ZBED4: variants seen among roughly 807,000 people sequenced by gnomAD.
ZBED4 encodes the protein zinc finger BED domain-containing protein 4.
ZBED4 carries 4 observed loss-of-function variants against 15.5 expected under a neutral mutation model. The ratio of observed to expected loss-of-function variants is 0.26; its 90% confidence interval spans 0.13 to 0.59. The LOEUF is 0.59. ZBED4 is among the 20% of genes least tolerant of loss of function. The pLI is 0.90. For missense variants in ZBED4, 1,323 were observed against 1,461.8 expected (o/e 0.91, Z 1.55); for synonymous variants, 692 against 608.5 (o/e 1.14, Z -2.02).
At chr22:49,875,609 C>T (rs1440024465) in intron 1 of ZBED4, among the ~76,000 whole-genome samples, 2 of 151,828 alleles carry the variant, frequency 1.3e-5, no homozygotes, top group African/African-American at 4.8e-5. Context: ...TTAGTAGATA[C>T]AGGGTTTCAC....
At chr22:49,870,194 G>T (rs970488642) in intron 1 of ZBED4, among the ~76,000 whole-genome samples, 1 of 152,162 alleles carries the variant, frequency 6.6e-6, no homozygotes, top group Admixed American at 6.5e-5. Flanking sequence ...CCATGGTGTG[G>T]ATATACCACA....
Position 49,889,635 on chromosome 22 carries a change from C to G in ZBED4, c.*2457C>G, listed in dbSNP as rs1023277537. ...TGACACTAGGAGAGTCATTTTATCT[C>G]ATACATTCCCTTCATTTCGTTGGTG... On this transcript the variant is annotated 3_prime_UTR_variant, in exon 2 of 2. Transcript: ENST00000216268. 1 of 167,180 alleles carries G rather than the reference C, an allele frequency of 6.0e-6. No individual in the cohort carries two copies. Among genetic ancestry groups the G allele is most frequent in the Non-Finnish European group, 1.5e-5 (1 of 68,116 alleles). 10.4% of individuals were successfully genotyped at this position (167,180 alleles called of 1,614,324 possible).
At chr22:49,860,330 T>C (rs1011774186) in intron 1 of ZBED4, among the ~76,000 whole-genome samples, 7 of 152,094 alleles carry the variant, frequency 4.6e-5, no homozygotes, top group Admixed American at 3.9e-4. Flanking sequence ...AAAAAATACA[T>C]ATATATAGTT....
chr22:49,872,082 C>G (rs143950142), intron 1 of ZBED4, among the ~76,000 whole-genome samples: 8 of 152,282 alleles, frequency 5.3e-5, no homozygotes, highest in African/African-American at 1.4e-4. Flanking sequence ...TTTGCTACAT[C>G]GATTAACTCT....
At chr22:49,879,526 A>G (rs8184990) in intron 1 of ZBED4, among the ~76,000 whole-genome samples, 87,231 of 149,404 alleles carry the variant, frequency 0.58, 28,919 homozygotes, top group East Asian at 0.85. Flanking sequence ...GTCCTTGTCC[A>G]CTAATTTTAT....
chr22:49,866,340 C>G (rs1346723031), intron 1 of ZBED4, among the ~76,000 whole-genome samples: 4 of 151,972 alleles, frequency 2.6e-5, no homozygotes, highest in African/African-American at 9.7e-5. Flanking sequence ...CTTTACGTGT[C>G]TTTTAAATTG....
At position 49,886,415 on chromosome 22, in the gene ZBED4, T is replaced by C. The variant is rs1201192805; in HGVS notation, c.2753T>C (p.Phe918Ser). ...AINEMSVECN[F>S]RELISCDQWE... ...AACGAGATGTCCGTCGAGTGTAACTTCCGAGAGCTGATCAGCTGCGACCAG... is the reference window on the plus strand; with the variant it reads ...AACGAGATGTCCGTCGAGTGTAACTCCCGAGAGCTGATCAGCTGCGACCAG... Residue 918 changes from phenylalanine to serine, a missense_variant, in exon 2 of 2, where the codon TTC becomes TCC. By Grantham distance (155) the Phe-to-Ser change is radical. This residue lies in a region of ZBED4 where 312 missense variants were observed against 410.7 expected (regional missense o/e 0.76). Transcript: ENST00000216268. This position sits in a 1 kb window ranked among gnomAD's most constrained non-coding sequence, Gnocchi z 7.7. 1 of 1,600,140 alleles carries C rather than the reference T, an allele frequency of 6.2e-7. No homozygotes were observed. The highest frequency in any genetic ancestry group is 1.7e-5 in the Admixed American group (1 of 58,992).
Position 49,886,048 on chromosome 22 carries a change from G to A in ZBED4, c.2386G>A (p.Val796Met), listed in dbSNP as rs1266166794. 1.5e-6 allele frequency: 1 copy of A among 682,026 alleles called. No homozygotes were observed. Among genetic ancestry groups the A allele is most frequent in the Admixed American group, 2.3e-5 (1 of 43,042 alleles). The allele number at this position is 682,026 out of a possible 1,614,324, so 42.2% of individuals were successfully genotyped here. ...GCTGGAGTGCTGGTGGGAAGCGTGG[G>A]TGACCTCCACCGGCCTTCAGGTGGG... ...KQLECWWEAW[V>M]TSTGLQVGIT... Residue 796 changes from valine to methionine, a missense_variant, in exon 2 of 2, where the codon GTG becomes ATG. Around this residue, in one of 6 missense-constraint regions of ZBED4, gnomAD observed 100 missense variants for 79.3 expected, o/e 1.26. Coordinates refer to ENST00000216268, the MANE Select transcript of ZBED4 (RefSeq NM_014838.3). The surrounding 1 kb of genome is among the most constrained non-coding windows in gnomAD (Gnocchi z 7.7).
intron 1 of ZBED4, among the ~76,000 whole-genome samples, chr22:49,865,093 C>T (rs779859754): frequency 1.3e-5 from 2 of 151,978 alleles, no homozygotes; most frequent in Admixed American, 1.3e-4. Context: ...CGTTACTCAG[C>T]GATGTTGTCG....
chr22:49,885,787 TATG>T lies in ZBED4; in HGVS notation c.2128_2130del (p.Asp710del). On this transcript the variant is annotated inframe_deletion, in exon 2 of 2. Transcript: ENST00000216268. ...CTCCAGGACAGCTATCCCAGGTATG[TATG>T]ATAATGTGAAGCAGATAATTATGTC... 6.2e-7 allele frequency: 1 copy of T among 1,605,680 alleles called. No individual in the cohort carries two copies. The highest frequency in any genetic ancestry group is 8.5e-7 in the Non-Finnish European group (1 of 1,173,464).
intron 1 of ZBED4, among the ~76,000 whole-genome samples, chr22:49,871,876 G>C (rs1441646867): frequency 1.3e-5 from 2 of 151,684 alleles, no homozygotes; most frequent in African/African-American, 4.8e-5. Flanking sequence ...TGCCTCAGTA[G>C]CTGGGATTAC....
At chr22:49,883,213 T>C (rs1366459958) in intron 1 of ZBED4, 121 bp from the exon 2 acceptor site, 1 of 152,988 alleles carries the variant, frequency 6.5e-6, no homozygotes, top group Admixed American at 6.5e-5. Flanking sequence ...AACAAGTTTT[T>C]CGATTCCAGT....
chr22:49,879,396 C>T (rs189592019), intron 1 of ZBED4, among the ~76,000 whole-genome samples: 1 of 151,858 alleles, frequency 6.6e-6, no homozygotes, highest in Non-Finnish European at 1.5e-5. Context: ...CGAAGTGCTG[C>T]GATTACAGGT....
intron 1 of ZBED4, among the ~76,000 whole-genome samples, chr22:49,871,137 C>T (rs866819533): frequency 1.9e-3 from 20 of 10,522 alleles, no homozygotes; most frequent in Non-Finnish European, 2.3e-3. Flanking sequence ...GATGGGGTTT[C>T]ACCCTGTTGG....
In ZBED4 at chr22:49,884,100, C is replaced by T; in HGVS notation, c.438C>T (p.Gly146=). 6.2e-7 allele frequency: 1 copy of T among 1,612,926 alleles called. No homozygotes were observed. Residue 146 remains glycine (G), a synonymous_variant, in exon 2 of 2, where the codon GGC becomes GGT. Coordinates refer to ENST00000216268, the MANE Select transcript of ZBED4 (RefSeq NM_014838.3). ...CMYCVKEFSR[G]KNEKDLSTSC... is the part of the protein sequence containing the mutation. ...ACTGTGTGAAGGAGTTCAGCAGAGG[C>T]AAAAACGAGAAAGACTTGAGTACCA... is the stretch of plus-strand genomic sequence containing the variant.
At chr22:49,877,629 A>G (rs1264687890) in intron 1 of ZBED4, among the ~76,000 whole-genome samples, 2 of 152,200 alleles carry the variant, frequency 1.3e-5, no homozygotes, top group East Asian at 1.9e-4. Context: ...TTGATATACA[A>G]TAAACACATA....
In ZBED4 at chr22:49,887,170, C is replaced by G; in HGVS notation, c.3508C>G (p.Gln1170Glu). ...AGTGAATCTTCCCTTAATATACTTTCAGTATTGAAACTCACGACGGCACCA... is the reference window on the plus strand; with the variant it reads ...AGTGAATCTTCCCTTAATATACTTTGAGTATTGAAACTCACGACGGCACCA... ...LKVNLPLIYF[Q>E]Y is the part of the protein sequence containing the mutation. The change falls in exon 2 of 2, where the codon CAG becomes GAG. Residue 1170 changes from glutamine to glutamate, a missense_variant. This residue lies in a region of ZBED4 where 312 missense variants were observed against 410.7 expected (regional missense o/e 0.76). Coordinates refer to ENST00000216268, the MANE Select transcript of ZBED4 (RefSeq NM_014838.3). 1.9e-6 allele frequency: 3 copies of G among 1,609,208 alleles called. No individual in the cohort carries two copies. The highest frequency in any genetic ancestry group is 1.7e-4 in the Middle Eastern group (1 of 6,024).
At chr22:49,860,683 T>A (rs1442728945) in intron 1 of ZBED4, among the ~76,000 whole-genome samples, 3 of 152,310 alleles carry the variant, frequency 2.0e-5, no homozygotes, top group East Asian at 3.8e-4. Context: ...AGATTTAGGA[T>A]TTTTTACAAA....
chr22:49,862,266 G>A (rs1296921544), intron 1 of ZBED4, among the ~76,000 whole-genome samples: 1 of 152,166 alleles, frequency 6.6e-6, no homozygotes, highest in Non-Finnish European at 1.5e-5. Context: ...TTGGAAGGTG[G>A]TTTCTCTGTC....
Sources: allele counts gnomAD v4.1 joint callset (sites outside exome capture counted in the v4.1 genomes callset), GRCh38; gene constraint gnomAD v4.1.1; regional missense constraint gnomAD v4.1.1; non-coding constraint Gnocchi (gnomAD v3.1); transcripts MANE v1.5; gene names NCBI Gene and HGNC (gene_info 2026-07-23, HGNC 2026-07-21).